The following MLLT10 variants were observed in gnomAD, a reference collection of about 807,000 sequenced individuals.
The protein encoded by MLLT10 is protein AF-10.
A neutral mutation model predicts 129.1 loss-of-function variants in MLLT10; 30 were observed. The ratio of observed to expected loss-of-function variants is 0.23; its 90% CI spans 0.17 to 0.32. The LOEUF is 0.32. Among genes scored for constraint, MLLT10 ranks in the 10% least tolerant of loss-of-function variants. MLLT10 has a pLI of 1.00. For missense variants in MLLT10, 1,119 were observed against 1,268.3 expected (o/e 0.88, Z 1.79); for synonymous variants, 490 against 446.4 (o/e 1.10, Z -1.23).
At chr10:21,595,912 A>G (rs1417518577) in intron 5 of MLLT10, among the ~76,000 whole-genome samples, 1 of 152,062 alleles carries the variant, frequency 6.6e-6, no homozygotes, top group Non-Finnish European at 1.5e-5. Flanking sequence ...GCCTTAAAAA[A>G]AAAGTTTGCT....
chr10:21,537,553 C>T (rs1240698052), intron 2 of MLLT10, among the ~76,000 whole-genome samples: 1 of 152,048 alleles, frequency 6.6e-6, no homozygotes, highest in Non-Finnish European at 1.5e-5. Context: ...AAACCTTCGC[C>T]ACCCAAGTTC....
chr10:21,623,202 T>TG (rs2046075152), intron 8 of MLLT10, among the ~76,000 whole-genome samples: 1 of 152,194 alleles, frequency 6.6e-6, no homozygotes, highest in Admixed American at 6.5e-5. Context: ...ATTAAATCGT[T>TG]GGTCATTGGT....
chr10:21,608,691 G>A (rs2044301959), intron 5 of MLLT10, among the ~76,000 whole-genome samples: 1 of 151,798 alleles, frequency 6.6e-6, no homozygotes, highest in Admixed American at 6.6e-5. Flanking sequence ...TCTTTAGGTT[G>A]TATAATCTAA....
chr10:21,727,571 T>C (rs1589849990), intron 15 of MLLT10, among the ~76,000 whole-genome samples: 1 of 152,016 alleles, frequency 6.6e-6, no homozygotes, highest in African/African-American at 2.4e-5. Context: ...GAGGGGAGGG[T>C]ACAGCAAATG....
intron 13 of MLLT10, chr10:21,688,379 AC>A: frequency 1.2e-6 from 1 of 816,704 alleles, no homozygotes; most frequent in South Asian, 1.7e-5. Flanking sequence ...CTGATGATCC[AC>A]CCCCACACTG....
At chr10:21,576,699 C>T (rs1396354229) in intron 3 of MLLT10, among the ~76,000 whole-genome samples, 2 of 149,284 alleles carry the variant, frequency 1.3e-5, no homozygotes, top group East Asian at 2.0e-4. Context: ...GGCACAATCT[C>T]GGCTCACTGC....
intron 3 of MLLT10, among the ~76,000 whole-genome samples, chr10:21,581,297 C>T (rs377493734): frequency 2.0e-5 from 3 of 151,802 alleles, no homozygotes; most frequent in East Asian, 1.9e-4. Flanking sequence ...TTGCCTGCCT[C>T]GGCCTCCCAA....
chr10:21,691,969 A>G (rs1352773693), intron 13 of MLLT10, among the ~76,000 whole-genome samples: 1 of 142,712 alleles, frequency 7.0e-6, no homozygotes, highest in African/African-American at 2.6e-5. Flanking sequence ...GTTCAAGACC[A>G]TCCTGGCCAT....
chr10:21,718,096 T>G (rs1457676373), intron 14 of MLLT10, among the ~76,000 whole-genome samples: 2 of 152,098 alleles, frequency 1.3e-5, no homozygotes, highest in East Asian at 3.8e-4. Context: ...CTGCCCACCT[T>G]GGCCTCCCAA....
At chr10:21,684,345 A>T (rs1589628806) in intron 13 of MLLT10, among the ~76,000 whole-genome samples, 1 of 152,102 alleles carries the variant, frequency 6.6e-6, no homozygotes. Flanking sequence ...AGCTTCCCAA[A>T]TCGATGCCTC....
chr10:21,728,203 T>C (rs1056641830), intron 16 of MLLT10, among the ~76,000 whole-genome samples: 1 of 152,248 alleles, frequency 6.6e-6, no homozygotes, highest in Non-Finnish European at 1.5e-5. Flanking sequence ...AGTAATTCTT[T>C]TTGATCATAA....
At chr10:21,740,330 C>A (rs2058723359) in intron 22 of MLLT10, 94 bp downstream of exon 22, 2 of 1,386,268 alleles carry the variant, frequency 1.4e-6, no homozygotes, top group East Asian at 2.3e-5. Flanking sequence ...TTCCCCTGAT[C>A]ATTTCTTCTT....
At chr10:21,542,966 G>GT (rs11462782) in intron 3 of MLLT10, among the ~76,000 whole-genome samples, 4,627 of 144,818 alleles carry the variant, frequency 0.032, 229 homozygotes, top group African/African-American at 0.11. Context: ...TTTTTTTTTT[G>GT]TTTTTTTTTT....
At chr10:21,539,432 T>C (rs1588768816) in intron 3 of MLLT10, among the ~76,000 whole-genome samples, 1 of 149,726 alleles carries the variant, frequency 6.7e-6, no homozygotes, top group Admixed American at 6.7e-5. Flanking sequence ...TTTTTTTTTT[T>C]AACTTGGGTG....
chr10:21,536,371 T>C (rs2034003095), intron 2 of MLLT10, among the ~76,000 whole-genome samples: 1 of 152,218 alleles, frequency 6.6e-6, no homozygotes, highest in African/African-American at 2.4e-5. Context: ...ATGAATTTCT[T>C]ATGAATTGGA....
chr10:21,567,208 A>G (rs2039685240), intron 3 of MLLT10, among the ~76,000 whole-genome samples: 1 of 152,246 alleles, frequency 6.6e-6, no homozygotes, highest in Admixed American at 6.5e-5. Flanking sequence ...AACTGTTTTA[A>G]CTAGTGTTCT....
intron 13 of MLLT10, among the ~76,000 whole-genome samples, chr10:21,687,505 T>TA (rs989025877): frequency 1.3e-5 from 2 of 152,230 alleles, no homozygotes; most frequent in Admixed American, 6.5e-5. Context: ...ATTCTAAATT[T>TA]AATTTCCTTT....
intron 8 of MLLT10, among the ~76,000 whole-genome samples, chr10:21,643,725 A>G (rs1229947292): frequency 6.6e-6 from 1 of 152,186 alleles, no homozygotes. Context: ...GTATTCTGCT[A>G]AGTTTAACTA....
intron 16 of MLLT10, 49 bp from the exon 17 acceptor site, chr10:21,730,851 C>G (rs1564737577): frequency 6.2e-7 from 1 of 1,600,714 alleles, no homozygotes. Flanking sequence ...AAACTGTACT[C>G]TCTTAAAAGC....
Sources: gnomAD v4.1 joint callset for allele counts (sites outside exome capture counted in the v4.1 genomes callset) on GRCh38, gnomAD v4.1.1 for gene constraint, MANE v1.5 for transcripts, NCBI Gene and HGNC (gene_info 2026-07-23, HGNC 2026-07-21) for gene names.